HSD17B11: variants seen among roughly 807,000 people sequenced by gnomAD.
HSD17B11 encodes the protein estradiol 17-beta-dehydrogenase 11.
Under a neutral mutation model 27.8 loss-of-function variants are expected in HSD17B11, and 22 were observed. The ratio of observed to expected loss-of-function variants is 0.79; its 90% CI spans 0.56 to 1.13. HSD17B11 has a LOEUF of 1.13. Among genes scored for constraint, HSD17B11 ranks in the 50% most tolerant of loss-of-function variants. The pLI is 0.00. For synonymous variants in HSD17B11, 117 were observed against 132.8 expected, an observed-to-expected ratio of 0.88 and a Z score of 0.82; for missense variants, 314 against 351.1, an observed-to-expected ratio of 0.89 and a Z score of 0.84.
At position 87,372,774 on chromosome 4, in the gene HSD17B11, A is replaced by G. The variant is rs200974821; in HGVS notation, c.492T>C (p.His164=). The change falls in exon 4 of 7, where the codon CAT becomes CAC. Residue 164 remains histidine (H), a synonymous_variant. Coordinates refer to ENST00000358290, the MANE Select transcript of HSD17B11 (RefSeq NM_016245.5). ...AFLPAMTKNN[H]GHIVTVASAA... is the part of the protein sequence containing the mutation. Reference sequence around the variant, plus strand: ...CCGAAGCCACAGTGACAATATGGCCATGGTTATTCTTCGTCATTGCAGGAA... The same window carrying G: ...CCGAAGCCACAGTGACAATATGGCCGTGGTTATTCTTCGTCATTGCAGGAA... 9.9e-6 allele frequency: 16 copies of G among 1,613,950 alleles called. No individual in the cohort carries two copies. The East Asian group carries it at 3.1e-4, about 31-fold the overall frequency.
Position 87,357,301 on chromosome 4 carries a change from A to T in HSD17B11, c.673T>A (p.Phe225Ile). The change falls in exon 5 of 7, where the codon TTC becomes ATC. Residue 225 changes from phenylalanine (F) to isoleucine (I), a missense_variant. Coordinates refer to ENST00000358290, the MANE Select transcript of HSD17B11 (RefSeq NM_016245.5). Reference sequence around the variant, plus strand: ...TACCTTGTACTTGGATTTTTGATGAAGCCAGTGTTTACGAAATTAGGACAC... The same window carrying T: ...TACCTTGTACTTGGATTTTTGATGATGCCAGTGTTTACGAAATTAGGACAC... ...CLCPNFVNTGFIKNPSTSLGP... is the reference protein window; with the variant it reads ...CLCPNFVNTGIIKNPSTSLGP... 6.2e-7 allele frequency: 1 copy of T among 1,612,396 alleles called. No individual in the cohort carries two copies. Among genetic ancestry groups the T allele is most frequent in the South Asian group, 1.1e-5 (1 of 90,500 alleles).
Position 87,345,717 on chromosome 4 carries a change from CAA to C in HSD17B11, c.696-5113_696-5112del, listed in dbSNP as rs1331600815. 2.0e-5 allele frequency among the ~76,000 whole-genome samples: 3 copies of C among 152,140 alleles called. No individual in the cohort carries two copies. In the East Asian group the frequency reaches 5.8e-4, roughly 29 times the overall value. On this transcript the variant is annotated intron_variant, in intron 5 of 6. Coordinates refer to ENST00000358290, the MANE Select transcript of HSD17B11 (RefSeq NM_016245.5). The stretch of plus-strand genomic sequence containing the variant: ...AAATTAGAAACCTACATGAAATATA[CAA>C]ACTCTCAGGAATACACAAACTACCA...
chr4:87,340,700 C>A, intron 5 of HSD17B11, 94 bp from the exon 6 acceptor site: 1 of 747,078 alleles, frequency 1.3e-6, no homozygotes. Context: ...GGTACAGACA[C>A]CATAACATAA....
intron 2 of HSD17B11, among the ~76,000 whole-genome samples, chr4:87,378,900 A>T (rs1258883071): frequency 5.9e-5 from 1 of 16,826 alleles, no homozygotes; most frequent in Non-Finnish European, 8.7e-5. Flanking sequence ...ATATAAATAT[A>T]TATAAATATA....
chr4:87,380,586 C>T (rs913512175), intron 2 of HSD17B11, among the ~76,000 whole-genome samples: 2 of 151,428 alleles, frequency 1.3e-5, no homozygotes, highest in Non-Finnish European at 2.9e-5. Flanking sequence ...GGGCTAGGCG[C>T]GGTGGCTCAC....
At chr4:87,376,734 T>C (rs1181350090) in intron 2 of HSD17B11, among the ~76,000 whole-genome samples, 1 of 152,072 alleles carries the variant, frequency 6.6e-6, no homozygotes, top group African/African-American at 2.4e-5. Context: ...ATTTCAAAGG[T>C]TGTTGCAGCT....
At chr4:87,390,539 T>C (rs1022531980) in intron 1 of HSD17B11, among the ~76,000 whole-genome samples, 2 of 152,218 alleles carry the variant, frequency 1.3e-5, no homozygotes, top group African/African-American at 4.8e-5. Context: ...AATATATAGC[T>C]AAAACGATTG....
At chr4:87,342,719 T>C (rs910299760) in intron 5 of HSD17B11, among the ~76,000 whole-genome samples, 3 of 152,224 alleles carry the variant, frequency 2.0e-5, no homozygotes, top group Non-Finnish European at 4.4e-5. Flanking sequence ...TAAAAATATA[T>C]AAGCTTTAAT....
intron 3 of HSD17B11, chr4:87,374,377 A>AC (rs1735777318): frequency 5.6e-6 from 1 of 179,316 alleles, no homozygotes; most frequent in Admixed American, 6.2e-5. Flanking sequence ...AAAATCACAG[A>AC]CGATGACTCG....
chr4:87,337,368 TA>T lies in HSD17B11; in HGVS notation c.813-3del. ...GCCAGGAAACGCTCAGGAAGGATCC[TA>T]AAAGAAAGATATATGCAAATAATTA... is the stretch of plus-strand genomic sequence containing the variant. On this transcript the variant is annotated splice_region_variant and splice_polypyrimidine_tract_variant and intron_variant, in intron 6 of 6. Transcript: ENST00000358290. The T allele has an allele frequency of 1.3e-6, 2 of 1,513,880 alleles. No individual in the cohort carries two copies. Among genetic ancestry groups the T allele is most frequent in the Non-Finnish European group, 1.8e-6 (2 of 1,093,974 alleles). The allele number at this position is 1,513,880 out of a possible 1,614,324, so 93.8% of individuals were successfully genotyped here.
At chr4:87,354,039 T>C (rs1415212505) in intron 5 of HSD17B11, among the ~76,000 whole-genome samples, 6 of 152,184 alleles carry the variant, frequency 3.9e-5, no homozygotes, top group Non-Finnish European at 7.3e-5. Flanking sequence ...AATTTAAACA[T>C]TGACCTCTAA....
At chr4:87,352,902 CCTTT>C (rs1481200444) in intron 5 of HSD17B11, among the ~76,000 whole-genome samples, 1 of 81,810 alleles carries the variant, frequency 1.2e-5, no homozygotes, top group Non-Finnish European at 2.3e-5. Context: ...GTCCGTCACC[CCTTT>C]CTTTGACTCG....
chr4:87,382,510 G>A, intron 1 of HSD17B11, 148 bp from the exon 2 acceptor site: 2 of 492,546 alleles, frequency 4.1e-6, no homozygotes, highest in East Asian at 6.0e-5. Flanking sequence ...TTTTTGGCAG[G>A]TATATAGGCA....
At chr4:87,343,489 T>C (rs1324057143) in intron 5 of HSD17B11, among the ~76,000 whole-genome samples, 1 of 152,028 alleles carries the variant, frequency 6.6e-6, no homozygotes, top group African/African-American at 2.4e-5. Context: ...AGGATTGTAT[T>C]TGATGACCTA....
At chr4:87,363,868 G>C (rs1387765115) in intron 4 of HSD17B11, among the ~76,000 whole-genome samples, 1 of 152,074 alleles carries the variant, frequency 6.6e-6, no homozygotes, top group East Asian at 1.9e-4. Context: ...TCTCCTCCAT[G>C]GACTGTCTTC....
chr4:87,386,590 G>T (rs1228127087), intron 1 of HSD17B11, among the ~76,000 whole-genome samples: 1 of 133,270 alleles, frequency 7.5e-6, no homozygotes, highest in East Asian at 1.9e-4. Context: ...AAAATAAGCA[G>T]ATCTTCAAAA....
intron 1 of HSD17B11, among the ~76,000 whole-genome samples, chr4:87,383,358 C>T (rs1192940056): frequency 6.6e-6 from 1 of 151,818 alleles, no homozygotes; most frequent in South Asian, 2.1e-4. Flanking sequence ...TTTTAGGGGT[C>T]AACACTGGAG....
intron 5 of HSD17B11, among the ~76,000 whole-genome samples, chr4:87,343,045 C>A (rs1735199230): frequency 1.3e-5 from 2 of 152,132 alleles, no homozygotes; most frequent in South Asian, 4.1e-4. Context: ...TTATAGACAC[C>A]TGTGTAAATA....
At position 87,370,845 on chromosome 4, in the gene HSD17B11, C is replaced by T. The variant is rs1225881606; in HGVS notation, c.557+1864G>A. Among the ~76,000 whole-genome samples, 23 of 109,520 alleles carry T rather than the reference C, an allele frequency of 2.1e-4. 3 individuals are homozygous for T. The highest frequency in any genetic ancestry group is 1.2e-3 in the Admixed American group (13 of 10,870). 71.8% of individuals were successfully genotyped at this position (109,520 alleles called of 152,430 possible). ...TCGGCTCACTGCAAGCTCCGCCTCC[C>T]GGGTTCACGCCATTCTCCTGCCTCA... is the stretch of plus-strand genomic sequence containing the variant. On this transcript the variant is annotated intron_variant, in intron 4 of 6. Transcript: ENST00000358290.
Sources: allele counts gnomAD v4.1 joint callset (sites outside exome capture counted in the v4.1 genomes callset), GRCh38; gene constraint gnomAD v4.1.1; transcripts MANE v1.5; gene names NCBI Gene and HGNC (gene_info 2026-07-23, HGNC 2026-07-21).